PHKB: variants seen among roughly 807,000 people sequenced by gnomAD.
PHKB encodes the protein phosphorylase kinase regulatory subunit beta.
A neutral mutation model predicts 152.1 loss-of-function variants in PHKB; 122 were observed. The observed-to-expected ratio is 0.80, with a 90% CI of 0.69 to 0.93. The LOEUF (loss-of-function observed/expected upper bound fraction) is 0.93, where lower values mean the gene tolerates loss of function less well. PHKB is among the 40% of genes least tolerant of loss of function. The pLI is 0.00. For synonymous variants in PHKB, 436 were observed against 464.9 expected (o/e 0.94, Z 0.80); for missense variants, 1,304 against 1,328.4 (o/e 0.98, Z 0.29).
At chr16:47,657,258 A>C (rs1235266137) in intron 20 of PHKB, among the ~76,000 whole-genome samples, 1 of 152,184 alleles carries the variant, frequency 6.6e-6, no homozygotes, top group African/African-American at 2.4e-5. Context: ...GGAAATATTT[A>C]AATATTGGCT....
chr16:47,661,182 C>A (rs1973437811), intron 22 of PHKB, among the ~76,000 whole-genome samples: 1 of 152,074 alleles, frequency 6.6e-6, no homozygotes, highest in Non-Finnish European at 1.5e-5. Flanking sequence ...AGGTCTAATG[C>A]TTGCTTTAGG....
intron 4 of PHKB, among the ~76,000 whole-genome samples, chr16:47,509,634 A>G (rs1460798152): frequency 6.6e-6 from 1 of 152,170 alleles, no homozygotes; most frequent in Non-Finnish European, 1.5e-5. Flanking sequence ...AATTTAATAT[A>G]ATTAATTGTA....
intron 8 of PHKB, among the ~76,000 whole-genome samples, chr16:47,581,115 C>G (rs994908958): frequency 6.6e-6 from 1 of 151,536 alleles, no homozygotes. Flanking sequence ...TACTGAAATG[C>G]TAAGTCAGTA....
chr16:47,483,878 C>T (rs1006637847), intron 1 of PHKB, among the ~76,000 whole-genome samples: 1 of 152,164 alleles, frequency 6.6e-6, no homozygotes, highest in Non-Finnish European at 1.5e-5. Context: ...ACTTATTAAG[C>T]ACTCACTATG....
intron 1 of PHKB, among the ~76,000 whole-genome samples, chr16:47,482,946 CCT>C (rs1299627199): frequency 6.6e-6 from 1 of 151,758 alleles, no homozygotes; most frequent in Non-Finnish European, 1.5e-5. Context: ...GTCTGGAGTT[CCT>C]GGGTTTAAAT....
intron 4 of PHKB, among the ~76,000 whole-genome samples, chr16:47,505,914 T>A (rs896372539): frequency 1.3e-5 from 2 of 149,976 alleles, no homozygotes; most frequent in African/African-American, 4.9e-5. Flanking sequence ...GCACCCATAG[T>A]CCCACCTGCT....
chr16:47,596,774 A>G (rs1169284980), intron 13 of PHKB, among the ~76,000 whole-genome samples: 2 of 152,144 alleles, frequency 1.3e-5, no homozygotes, highest in Admixed American at 6.5e-5. Flanking sequence ...AGGGGGCTGC[A>G]TTTGGCTTAC....
At chr16:47,642,970 T>A (rs1229223545) in intron 16 of PHKB, among the ~76,000 whole-genome samples, 2 of 152,194 alleles carry the variant, frequency 1.3e-5, no homozygotes, top group Non-Finnish European at 2.9e-5. Context: ...AGTATTCAGC[T>A]GCAGGCTGTC....
intron 7 of PHKB, among the ~76,000 whole-genome samples, chr16:47,552,735 T>A (rs2064255709): frequency 6.6e-6 from 1 of 151,148 alleles, no homozygotes; most frequent in Non-Finnish European, 1.5e-5. Flanking sequence ...TTGAACCCAT[T>A]GAAATCAAGA....
Position 47,588,964 on chromosome 16 carries a change from A to G in PHKB, c.930A>G (p.Glu310=). The change falls in exon 10 of 31, where the codon GAA becomes GAG. Residue 310 remains glutamate, a synonymous_variant. Transcript: ENST00000323584. ...ISYPAFALDD[E]VLFSQTLDKV... ...ATCCTGCATTTGCCCTGGATGATGAAGTTCTTTTTAGCCAGACACTTGATA... is the reference window on the plus strand; with the variant it reads ...ATCCTGCATTTGCCCTGGATGATGAGGTTCTTTTTAGCCAGACACTTGATA... 2 of 1,614,048 alleles carry G rather than the reference A, an allele frequency of 1.2e-6. No homozygotes were observed. Among genetic ancestry groups the G allele is most frequent in the Non-Finnish European group, 1.7e-6 (2 of 1,179,918 alleles).
chr16:47,660,594 T>C (rs998328773), intron 21 of PHKB, 27 bp downstream of exon 21: 5 of 1,612,202 alleles, frequency 3.1e-6, no homozygotes, highest in Non-Finnish European at 3.4e-6. Flanking sequence ...TATTTCATTT[T>C]TGGGTTTTTT....
At position 47,566,719 on chromosome 16, in the gene PHKB, C is replaced by T. The variant is rs1179547304; in HGVS notation, c.711-13576C>T. ...ATTGGAGGTGCCCTATACACATCTTCATCATTACTGTTCCAAGTTGTTGAA... is the reference window on the plus strand; with the variant it reads ...ATTGGAGGTGCCCTATACACATCTTTATCATTACTGTTCCAAGTTGTTGAA... On this transcript the variant is annotated intron_variant, in intron 7 of 30. Transcript: ENST00000323584. 1.5e-4 allele frequency: 112 copies of T among 771,368 alleles called. 1 individual carries two copies. In the South Asian group the frequency reaches 1.5e-3, roughly 10 times the overall value. 47.8% of individuals were successfully genotyped at this position (771,368 alleles called of 1,614,324 possible).
At chr16:47,515,963 C>G (rs1282936841) in intron 6 of PHKB, among the ~76,000 whole-genome samples, 1 of 148,328 alleles carries the variant, frequency 6.7e-6, no homozygotes, top group African/African-American at 2.5e-5. Flanking sequence ...GAGTCTTGCT[C>G]TGTCACGGGG....
At chr16:47,472,470 G>A (rs1243865766) in intron 1 of PHKB, among the ~76,000 whole-genome samples, 1 of 151,962 alleles carries the variant, frequency 6.6e-6, no homozygotes, top group African/African-American at 2.4e-5. Context: ...GCAACATGAC[G>A]AAACCATCTC....
intron 1 of PHKB, among the ~76,000 whole-genome samples, chr16:47,468,389 C>A (rs756786212): frequency 6.6e-6 from 1 of 152,250 alleles, no homozygotes; most frequent in Non-Finnish European, 1.5e-5. Context: ...CCCAGGCTCA[C>A]GCCTATAATC....
chr16:47,485,818 G>A (rs894250688), intron 1 of PHKB, among the ~76,000 whole-genome samples: 1 of 151,568 alleles, frequency 6.6e-6, no homozygotes, highest in African/African-American at 2.4e-5. Context: ...ATGGGGTTTC[G>A]CCATGTTGCC....
chr16:47,519,986 AT>A (rs1268345307), intron 6 of PHKB, among the ~76,000 whole-genome samples: 2 of 151,646 alleles, frequency 1.3e-5, no homozygotes, highest in East Asian at 1.9e-4. Context: ...AAAATATTAA[AT>A]TTTTTTTCTG....
Position 47,663,751 on chromosome 16 carries a change from T to A in PHKB, c.2336+17T>A, listed in dbSNP as rs1301635101. ...AAAACTTTGGTTTGTATTAGTGTCC[T>A]TGTTGTTATGTTTTATTTTTGTGTT... On this transcript the variant is annotated intron_variant, in intron 24 of 30. Transcript: ENST00000323584. 3.5e-6 allele frequency: 5 copies of A among 1,414,304 alleles called. No individual in the cohort carries two copies. In the South Asian group the frequency reaches 4.6e-5, roughly 13 times the overall value. 87.6% of individuals were successfully genotyped at this position (1,414,304 alleles called of 1,614,324 possible). A position where few individuals can be genotyped will look rare whatever the true frequency, so the allele number is the denominator to read the frequency against.
intron 14 of PHKB, among the ~76,000 whole-genome samples, chr16:47,635,232 A>G (rs1972897945): frequency 1.3e-5 from 2 of 152,216 alleles, no homozygotes; most frequent in East Asian, 1.9e-4. Flanking sequence ...TTGAATCTCC[A>G]TGTTGCCACT....
Sources: gnomAD v4.1 joint callset for allele counts (sites outside exome capture counted in the v4.1 genomes callset) on GRCh38, gnomAD v4.1.1 for gene constraint, MANE v1.5 for transcripts, NCBI Gene and HGNC (gene_info 2026-07-23, HGNC 2026-07-21) for gene names.